The following GRID2 variants were observed in gnomAD, a reference collection of about 807,000 sequenced individuals.
GRID2 encodes the protein glutamate ionotropic receptor delta type subunit 2.
A neutral mutation model predicts 114.8 loss-of-function variants in GRID2; 33 were observed. The ratio of observed to expected loss-of-function variants is 0.29; its 90% confidence interval spans 0.22 to 0.38. The LOEUF is 0.38. Ranked by LOEUF, GRID2 falls within the 10% of genes least tolerant of loss-of-function variation. GRID2 has a pLI of 1.00. For synonymous variants in GRID2, 505 were observed against 449.9 expected, an observed-to-expected ratio of 1.12 and a Z score of -1.55; for missense variants, 1,184 against 1,257.7, an observed-to-expected ratio of 0.94 and a Z score of 0.89.
At chr4:93,568,613 A>C (rs1735654094) in intron 13 of GRID2, among the ~76,000 whole-genome samples, 1 of 152,228 alleles carries the variant, frequency 6.6e-6, no homozygotes, top group Non-Finnish European at 1.5e-5. Flanking sequence ...TGCAGTAAGC[A>C]CATCATTAAC....
chr4:93,218,790 G>A (rs1204144192), intron 6 of GRID2, among the ~76,000 whole-genome samples: 2 of 152,108 alleles, frequency 1.3e-5, no homozygotes, highest in Non-Finnish European at 2.9e-5. Flanking sequence ...CAGTTCCTCA[G>A]GGCAGGGAAG....
At chr4:93,197,096 T>C (rs1437190474) in intron 4 of GRID2, among the ~76,000 whole-genome samples, 1 of 152,184 alleles carries the variant, frequency 6.6e-6, no homozygotes, top group Non-Finnish European at 1.5e-5. Context: ...TGGTTTAGTC[T>C]CTTTCTCTAT....
intron 8 of GRID2, among the ~76,000 whole-genome samples, chr4:93,330,764 C>G (rs1758341712): frequency 1.3e-5 from 2 of 152,044 alleles, no homozygotes; most frequent in African/African-American, 4.8e-5. Context: ...TATAGACAAC[C>G]CTGTCAGAAG....
intron 2 of GRID2, among the ~76,000 whole-genome samples, chr4:92,941,550 A>C (rs991348198): frequency 6.6e-6 from 1 of 151,714 alleles, no homozygotes; most frequent in Non-Finnish European, 1.5e-5. Context: ...TTGAAGGGTT[A>C]TTTGTGTCTC....
intron 2 of GRID2, among the ~76,000 whole-genome samples, chr4:92,823,619 A>T (rs1741453617): frequency 6.6e-6 from 1 of 152,156 alleles, no homozygotes; most frequent in Non-Finnish European, 1.5e-5. Flanking sequence ...TCTAGATTAA[A>T]AATGTATCTA....
At chr4:93,078,756 TA>T (rs1276929241) in intron 2 of GRID2, among the ~76,000 whole-genome samples, 1 of 145,708 alleles carries the variant, frequency 6.9e-6, no homozygotes, top group Non-Finnish European at 1.5e-5. Context: ...ATACTAAATA[TA>T]ATTATATTAT....
chr4:92,729,822 TA>T (rs34967924), intron 2 of GRID2, among the ~76,000 whole-genome samples: 1 of 150,960 alleles, frequency 6.6e-6, no homozygotes, highest in Non-Finnish European at 1.5e-5. Flanking sequence ...AACAAAACAG[TA>T]AAAAAAAATC....
intron 1 of GRID2, among the ~76,000 whole-genome samples, chr4:92,399,037 T>C (rs1419555599): frequency 6.6e-6 from 1 of 152,180 alleles, no homozygotes; most frequent in Non-Finnish European, 1.5e-5. Context: ...TACAACTGGT[T>C]TAGTTAGAGA....
chr4:92,993,640 G>A (rs1047747087), intron 2 of GRID2, among the ~76,000 whole-genome samples: 7 of 152,192 alleles, frequency 4.6e-5, no homozygotes, highest in Non-Finnish European at 8.8e-5. Context: ...ATGGTTAGGT[G>A]TTTAAGAAAA....
chr4:93,622,348 T>C (rs772190026), intron 13 of GRID2, among the ~76,000 whole-genome samples: 5 of 152,214 alleles, frequency 3.3e-5, no homozygotes, highest in Non-Finnish European at 5.9e-5. Flanking sequence ...TTGTTTCCGA[T>C]GATATTACTC....
At chr4:92,920,256 A>T (rs556617708) in intron 2 of GRID2, among the ~76,000 whole-genome samples, 2 of 152,060 alleles carry the variant, frequency 1.3e-5, no homozygotes, top group African/African-American at 2.4e-5. Context: ...CACGTGAGAT[A>T]GGTTTCCTGA....
intron 5 of GRID2, among the ~76,000 whole-genome samples, chr4:93,215,069 G>A (rs1744034843): frequency 6.6e-6 from 1 of 151,906 alleles, no homozygotes; most frequent in Non-Finnish European, 1.5e-5. Flanking sequence ...AGCAGAAAAT[G>A]AGATAATAAA....
At chr4:93,330,451 A>G (rs753239322) in intron 8 of GRID2, among the ~76,000 whole-genome samples, 20 of 152,308 alleles carry the variant, frequency 1.3e-4, no homozygotes, top group Non-Finnish European at 2.8e-4. Flanking sequence ...TATTTAGTTA[A>G]TTGCTACATA....
At chr4:92,460,032 C>CCATATATATATATATATATATATATA (rs1553937270) in intron 1 of GRID2, among the ~76,000 whole-genome samples, 1 of 48,442 alleles carries the variant, frequency 2.1e-5, no homozygotes, top group Non-Finnish European at 3.5e-5. Context: ...ATAAATCTCA[C>CCATATATATATATATATATATATATA]TATATATATA....
intron 3 of GRID2, among the ~76,000 whole-genome samples, chr4:93,092,762 T>C (rs968952207): frequency 4.6e-5 from 7 of 152,016 alleles, no homozygotes; most frequent in African/African-American, 1.7e-4. Flanking sequence ...TACTACTCTG[T>C]AGTTCTCTAA....
intron 1 of GRID2, among the ~76,000 whole-genome samples, chr4:92,580,548 A>C (rs1032275101): frequency 6.6e-6 from 1 of 151,910 alleles, no homozygotes; most frequent in African/African-American, 2.4e-5. Context: ...TTTTCATCTC[A>C]AAGTAGAGTA....
chr4:92,683,186 C>T (rs1167733901), intron 2 of GRID2, among the ~76,000 whole-genome samples: 2 of 152,074 alleles, frequency 1.3e-5, no homozygotes, highest in South Asian at 2.1e-4. Context: ...GTAGTCCCAG[C>T]TACTCGGGAG....
chr4:92,951,764 A>C (rs1752058901), intron 2 of GRID2, among the ~76,000 whole-genome samples: 1 of 152,198 alleles, frequency 6.6e-6, no homozygotes, highest in Non-Finnish European at 1.5e-5. Flanking sequence ...GTATAGATTC[A>C]TATGCAAATA....
intron 2 of GRID2, among the ~76,000 whole-genome samples, chr4:92,609,401 T>A (rs1363440312): frequency 1.3e-5 from 2 of 150,048 alleles, no homozygotes; most frequent in African/African-American, 4.9e-5. Flanking sequence ...AGAAAAAAAA[T>A]AATAAAGACA....
Sources: allele counts gnomAD v4.1 joint callset (sites outside exome capture counted in the v4.1 genomes callset), GRCh38; gene constraint gnomAD v4.1.1; transcripts MANE v1.5; gene names NCBI Gene and HGNC (gene_info 2026-07-23, HGNC 2026-07-21).